Variants in PPP4R1 observed in about 807,000 individuals in gnomAD.
PPP4R1 encodes the protein serine/threonine-protein phosphatase 4 regulatory subunit 1.
A neutral mutation model predicts 111.2 loss-of-function variants in PPP4R1; 42 were observed. The ratio of observed to expected loss-of-function variants is 0.38; its 90% CI spans 0.29 to 0.49. The LOEUF is 0.49. Ranked by LOEUF, PPP4R1 falls within the 20% of genes least tolerant of loss-of-function variation. The pLI is 0.97. For synonymous variants in PPP4R1, 409 were observed against 405.5 expected (o/e 1.01, Z -0.10); for missense variants, 1,012 against 1,161.6 (o/e 0.87, Z 1.87).
chr18:9,576,336 T>C (rs143788438), intron 10 of PPP4R1, among the ~76,000 whole-genome samples: 1,690 of 152,274 alleles, frequency 0.011, 27 homozygotes, highest in African/African-American at 0.039. Context: ...ACTGTAAAAG[T>C]TTGTGTACAT....
chr18:9,548,659 G>T (rs558135669), intron 19 of PPP4R1, among the ~76,000 whole-genome samples: 5 of 152,204 alleles, frequency 3.3e-5, no homozygotes, highest in Non-Finnish European at 7.3e-5. Context: ...GGTCATGCCT[G>T]TAATCCCAGC....
intron 4 of PPP4R1, among the ~76,000 whole-genome samples, chr18:9,590,500 T>C (rs2067192726): frequency 6.6e-6 from 1 of 152,200 alleles, no homozygotes; most frequent in African/African-American, 2.4e-5. Flanking sequence ...GGACACAAGT[T>C]ATGGTTTCAG....
intron 2 of PPP4R1, among the ~76,000 whole-genome samples, chr18:9,604,851 C>T (rs1044270297): frequency 6.6e-6 from 1 of 152,102 alleles, no homozygotes. Context: ...GAGGCACATT[C>T]ATTAATATTT....
At position 9,583,150 on chromosome 18, in the gene PPP4R1, A is replaced by C. The variant is rs755756206; in HGVS notation, c.885T>G (p.Leu295=). ...QEIRRTKLSA[L]FINLISDPSR... ...AAGGATCACTGATCAAATTAATAAA[A>C]AGTGCTGATAATTTGGTCCGTCGGA... is the stretch of plus-strand genomic sequence containing the variant. Residue 295 remains leucine (L), a synonymous_variant, in exon 9 of 20, where the codon CTT becomes CTG. Transcript: ENST00000400556. The C allele has an allele frequency of 2.5e-6, 4 of 1,611,440 alleles. No homozygotes were observed. The Admixed American group carries it at 6.7e-5, about 27-fold the overall frequency.
intron 11 of PPP4R1, among the ~76,000 whole-genome samples, chr18:9,564,697 G>GGTGTGTGTGTGTGTGTGTGTGTGT (rs1178823297): frequency 1.1e-5 from 1 of 93,492 alleles, no homozygotes; most frequent in African/African-American, 3.9e-5. Flanking sequence ...TAAAGTGCAT[G>GGTGTGTGTGTGTGTGTGTGTGTGT]GTGTGTGTGT....
intron 17 of PPP4R1, 26 bp from the exon 18 acceptor site, chr18:9,550,212 A>C: frequency 6.2e-7 from 1 of 1,614,212 alleles, no homozygotes; most frequent in Middle Eastern, 1.6e-4. Flanking sequence ...TGGAGAAATG[A>C]GGAACAGCTT....
intron 19 of PPP4R1, 27 bp from the exon 20 acceptor site, chr18:9,547,979 A>G: frequency 6.2e-7 from 1 of 1,609,362 alleles, no homozygotes; most frequent in East Asian, 2.2e-5. Flanking sequence ...CATAGGACAG[A>G]TGAAACCAGT....
intron 15 of PPP4R1, chr18:9,556,958 A>G: frequency 3.6e-6 from 1 of 276,018 alleles, no homozygotes; most frequent in Non-Finnish European, 6.7e-6. Context: ...GCAGCTAATG[A>G]TTTTTTTTAA....
chr18:9,610,680 C>T (rs1271584728), intron 2 of PPP4R1, among the ~76,000 whole-genome samples: 1 of 152,006 alleles, frequency 6.6e-6, no homozygotes, highest in Admixed American at 6.6e-5. Flanking sequence ...AGGATGGTCT[C>T]GATCTCCTGA....
Position 9,561,980 on chromosome 18 carries a change from T to G in PPP4R1, c.1842A>C (p.Gln614His), listed in dbSNP as rs1300844348. 6.2e-7 allele frequency: 1 copy of G among 1,605,238 alleles called. No individual in the cohort carries two copies. The highest frequency in any genetic ancestry group is 8.5e-7 in the Non-Finnish European group (1 of 1,172,268). ...AAGAACACATTTTTTGGTCACTTAC[T>G]TGTACTTTAGTTCTCCTTTCCTCAT... is the stretch of plus-strand genomic sequence containing the variant. Reference protein sequence around the residue: ...SPDEERRTKVQDVVPQALLDQ... With the variant: ...SPDEERRTKVHDVVPQALLDQ... Residue 614 changes from glutamine to histidine, a missense_variant and splice_region_variant, in exon 13 of 20, where the codon CAA (glutamine) becomes CAC (histidine). By Grantham distance (24) the Gln-to-His change is conservative. Coordinates refer to ENST00000400556, the MANE Select transcript of PPP4R1 (RefSeq NM_001042388.3).
rs1418050122 is a variant in PPP4R1 at position 9,588,117 on chromosome 18, T to C, written c.557A>G (p.Asn186Ser). 6.2e-6 allele frequency: 10 copies of C among 1,614,114 alleles called. No homozygotes were observed. The highest frequency in any genetic ancestry group is 8.5e-6 in the Non-Finnish European group (10 of 1,179,998). ...CACAGCTTCTGTTTTCACATCATCA[T>C]TGCTATCTGGGGCTGTCAGCTCTAT... ...VLIELTAPDSNDDVKTEAVAI... is the reference protein window; with the variant it reads ...VLIELTAPDSSDDVKTEAVAI... Residue 186 changes from asparagine (N) to serine (S), a missense_variant, in exon 6 of 20, where the codon AAT (asparagine) becomes AGT (serine). Around this residue, in one of 2 missense-constraint regions of PPP4R1, gnomAD observed 707 missense variants for 742.1 expected, o/e 0.95. Transcript: ENST00000400556.
chr18:9,602,215 A>T (rs2067395399), intron 2 of PPP4R1, among the ~76,000 whole-genome samples: 1 of 152,044 alleles, frequency 6.6e-6, no homozygotes. Flanking sequence ...TAAATTTAAG[A>T]AAAAGTGCCT....
At chr18:9,560,952 T>G (rs2066664128) in intron 13 of PPP4R1, among the ~76,000 whole-genome samples, 1 of 152,074 alleles carries the variant, frequency 6.6e-6, no homozygotes, top group African/African-American at 2.4e-5. Flanking sequence ...GCACGGTAGC[T>G]CATGCCTGTA....
In PPP4R1 at chr18:9,546,870, T is replaced by G. The variant is rs1002665951; in HGVS notation, c.*919A>C. The G allele has an allele frequency of 1.3e-5, 2 of 152,218 alleles. No homozygotes were observed. The highest frequency in any genetic ancestry group is 2.4e-5 in the African/African-American group (1 of 41,456). The allele number at this position is 152,218 out of a possible 1,614,324, so 9.4% of individuals were successfully genotyped here. A position where few individuals can be genotyped will look rare whatever the true frequency, so the allele number is the denominator to read the frequency against. The stretch of plus-strand genomic sequence containing the variant: ...ACAGGTCACAAATTGCATTTATTGG[T>G]AGACATCTAGAAAACAATCAAAAGT... On this transcript the variant is annotated 3_prime_UTR_variant, in exon 20 of 20. Coordinates refer to ENST00000400556, the MANE Select transcript of PPP4R1 (RefSeq NM_001042388.3).
At chr18:9,610,126 T>C (rs1354645088) in intron 2 of PPP4R1, among the ~76,000 whole-genome samples, 1 of 152,270 alleles carries the variant, frequency 6.6e-6, no homozygotes, top group Non-Finnish European at 1.5e-5. Context: ...TTACAAGCAT[T>C]GGCTCATCAA....
intron 2 of PPP4R1, among the ~76,000 whole-genome samples, chr18:9,610,688 T>TGACCTCGTGATCCGCC (rs970366907): frequency 6.6e-6 from 1 of 151,978 alleles, no homozygotes; most frequent in African/African-American, 2.4e-5. Flanking sequence ...CTCGATCTCC[T>TGACCTCGTGATCCGCC]GACCTCGTGA....
chr18:9,609,597 C>T (rs1268347715), intron 2 of PPP4R1, among the ~76,000 whole-genome samples: 1 of 152,192 alleles, frequency 6.6e-6, no homozygotes, highest in Admixed American at 6.5e-5. Flanking sequence ...GTATGGCATA[C>T]TCAATAACAT....
chr18:9,567,825 C>A (rs1336486063), intron 11 of PPP4R1, among the ~76,000 whole-genome samples: 1 of 152,186 alleles, frequency 6.6e-6, no homozygotes, highest in South Asian at 2.1e-4. Context: ...GAAATTGCCA[C>A]AGCCACCCCA....
chr18:9,557,347 G>A lies in PPP4R1; in HGVS notation c.2064C>T (p.His688=), dbSNP rs940127949. ...GATCTCCAAGAATAACTGCAAGCTC[G>A]TGGATGGAGAATGCTAGAGTTCGTC... ...KVRRTLAFSI[H]ELAVILGDQL... Residue 688 remains histidine (H), a synonymous_variant, in exon 15 of 20, where the codon CAC becomes CAT. Transcript: ENST00000400556. The A allele has an allele frequency of 3.1e-6, 5 of 1,605,538 alleles. No individual in the cohort carries two copies. Among genetic ancestry groups the A allele is most frequent in the Non-Finnish European group, 4.2e-6 (5 of 1,177,884 alleles).
Sources: allele counts gnomAD v4.1 joint callset (sites outside exome capture counted in the v4.1 genomes callset), GRCh38; gene constraint gnomAD v4.1.1; regional missense constraint gnomAD v4.1.1; transcripts MANE v1.5; gene names NCBI Gene and HGNC (gene_info 2026-07-23, HGNC 2026-07-21).